Variants in CRISPLD1 observed in about 807,000 individuals in gnomAD.
CRISPLD1 encodes cysteine-rich secretory protein LCCL domain-containing 1.
A neutral mutation model predicts 77.5 loss-of-function variants in CRISPLD1; 60 were observed. The ratio of observed to expected loss-of-function variants is 0.77; its 90% confidence interval spans 0.63 to 0.96. The LOEUF (loss-of-function observed/expected upper bound fraction) is 0.96. Among genes scored for constraint, CRISPLD1 ranks in the 40% least tolerant of loss-of-function variants. The pLI is 0.00. For synonymous variants in CRISPLD1, 195 were observed against 200.1 expected (o/e 0.97, Z 0.22); for missense variants, 623 against 615.8 (o/e 1.01, Z -0.12).
chr8:75,022,412 C>G (rs1813151500), intron 12 of CRISPLD1, among the ~76,000 whole-genome samples: 1 of 151,686 alleles, frequency 6.6e-6, no homozygotes, highest in African/African-American at 2.4e-5. Flanking sequence ...CGATGATACC[C>G]CATCTCTACT....
chr8:75,012,066 T>A (rs373462201), intron 2 of CRISPLD1, among the ~76,000 whole-genome samples: 48 of 152,216 alleles, frequency 3.2e-4, no homozygotes, highest in African/African-American at 1.1e-3. Context: ...GGGGAAACAA[T>A]GTCAGCAAGA....
In CRISPLD1 at chr8:75,017,468, C is replaced by T. The variant is rs977331518; in HGVS notation, c.1127+18C>T. The T allele has an allele frequency of 6.4e-7, 1 of 1,571,334 alleles. No homozygotes were observed. Among genetic ancestry groups the T allele is most frequent in the Admixed American group, 2.0e-5 (1 of 49,252 alleles). On this transcript the variant is annotated intron_variant, in intron 10 of 14. Transcript: ENST00000262207. The stretch of plus-strand genomic sequence containing the variant: ...ACAATTGGGTAAGTACCAAAATAAT[C>T]TTTTGGACCAGATAATTTTAAATTG...
At position 75,012,902 on chromosome 8, in the gene CRISPLD1, G is replaced by T. The variant is rs369100451; in HGVS notation, c.390G>T (p.Pro130=). 1.9e-6 allele frequency: 3 copies of T among 1,611,136 alleles called. No individual in the cohort carries two copies. In the East Asian group the frequency reaches 6.7e-5, roughly 36 times the overall value. ...TTCTTTCTAATAGATATAGGCCCCC[G>T]ACGTTTCATGTACAATCGTGGTATG... The part of the protein sequence containing the change: ...LGAHWGRYRP[P]TFHVQSWYDE... Residue 130 remains proline (P), a synonymous_variant, in exon 4 of 15, where the codon CCG becomes CCT. Transcript: ENST00000262207.
At chr8:74,992,240 T>C (rs181599879) in intron 2 of CRISPLD1, among the ~76,000 whole-genome samples, 2 of 152,258 alleles carry the variant, frequency 1.3e-5, no homozygotes, top group African/African-American at 2.4e-5. Flanking sequence ...ACCAGAGATA[T>C]CGATGTGGGA....
At chr8:74,989,873 A>T (rs1455626281) in intron 2 of CRISPLD1, among the ~76,000 whole-genome samples, 1 of 152,162 alleles carries the variant, frequency 6.6e-6, no homozygotes, top group East Asian at 1.9e-4. Flanking sequence ...TTATAGTTTC[A>T]GGTCTTACAT....
intron 2 of CRISPLD1, among the ~76,000 whole-genome samples, chr8:74,987,310 C>T (rs986846829): frequency 6.6e-6 from 1 of 152,186 alleles, no homozygotes; most frequent in African/African-American, 2.4e-5. Context: ...AATTGAGACT[C>T]AGGAGTGAGG....
At chr8:75,000,159 G>T in intron 2 of CRISPLD1, 1 of 985,086 alleles carries the variant, frequency 1.0e-6, no homozygotes, top group Non-Finnish European at 1.2e-6. Context: ...CCACCAGAAC[G>T]CTGGACAATC....
At position 75,021,172 on chromosome 8, in the gene CRISPLD1, ATTAC is replaced by A. The variant is rs1233704122; in HGVS notation, c.1244+1098_1244+1101del. ...AGTTTATCTACTTTGGAAAAACATC[ATTAC>A]TTACCCTTTTGAAATGAAAGCAATG... On this transcript the variant is annotated intron_variant, in intron 12 of 14. Coordinates refer to ENST00000262207, the MANE Select transcript of CRISPLD1 (RefSeq NM_031461.6). Among the ~76,000 whole-genome samples, 4 of 152,222 alleles carry A rather than the reference ATTAC, an allele frequency of 2.6e-5. No individual in the cohort carries two copies. The East Asian group carries it at 5.8e-4, about 22-fold the overall frequency.
chr8:75,002,781 G>C (rs544730606), intron 2 of CRISPLD1, among the ~76,000 whole-genome samples: 1 of 152,256 alleles, frequency 6.6e-6, no homozygotes, highest in African/African-American at 2.4e-5. Flanking sequence ...GAGAGCCTGA[G>C]GTAACTCAGT....
chr8:75,029,555 C>T (rs762889880), intron 14 of CRISPLD1, 38 bp downstream of exon 14: 11 of 1,580,072 alleles, frequency 7.0e-6, no homozygotes, highest in African/African-American at 1.4e-5. Context: ...TTTTAAATAC[C>T]ATCTATCACT....
At chr8:75,020,509 C>T (rs1813115247) in intron 12 of CRISPLD1, among the ~76,000 whole-genome samples, 1 of 152,178 alleles carries the variant, frequency 6.6e-6, no homozygotes, top group South Asian at 2.1e-4. Context: ...TCTGTGTCCT[C>T]ACATGGTGGA....
At chr8:75,021,111 A>T (rs1010068583) in intron 12 of CRISPLD1, among the ~76,000 whole-genome samples, 1 of 152,212 alleles carries the variant, frequency 6.6e-6, no homozygotes, top group African/African-American at 2.4e-5. Context: ...AAAACATTTT[A>T]GTCTAAAAAC....
chr8:74,998,382 T>C (rs1404777628), intron 2 of CRISPLD1, among the ~76,000 whole-genome samples: 1 of 152,110 alleles, frequency 6.6e-6, no homozygotes, highest in Non-Finnish European at 1.5e-5. Flanking sequence ...TGTTTTACCA[T>C]GCTTTGAAGT....
intron 2 of CRISPLD1, among the ~76,000 whole-genome samples, chr8:74,996,413 A>T (rs891254335): frequency 6.6e-6 from 1 of 152,190 alleles, no homozygotes; most frequent in Non-Finnish European, 1.5e-5. Context: ...GCATTAGTGT[A>T]TAAAAAGTTT....
chr8:75,031,222 T>C (rs1813338884), intron 14 of CRISPLD1, among the ~76,000 whole-genome samples: 1 of 152,070 alleles, frequency 6.6e-6, no homozygotes, highest in Non-Finnish European at 1.5e-5. Flanking sequence ...GATACCCTTA[T>C]TTTTGCTCAC....
chr8:75,016,460 T>C, intron 6 of CRISPLD1, 105 bp from the exon 7 acceptor site: 2 of 1,146,562 alleles, frequency 1.7e-6, no homozygotes, highest in South Asian at 3.9e-5. Flanking sequence ...TACTGATTTT[T>C]CTAGTTCTAA....
intron 14 of CRISPLD1, among the ~76,000 whole-genome samples, chr8:75,031,299 T>C (rs573823468): frequency 6.6e-6 from 1 of 152,206 alleles, no homozygotes; most frequent in South Asian, 2.1e-4. Flanking sequence ...GTCTCTTTCT[T>C]AGTATTTATT....
intron 12 of CRISPLD1, among the ~76,000 whole-genome samples, chr8:75,024,650 TG>T: frequency 6.6e-6 from 1 of 152,154 alleles, no homozygotes; most frequent in East Asian, 1.9e-4. Flanking sequence ...AATATAAGTA[TG>T]GAAAACAGAT....
intron 2 of CRISPLD1, among the ~76,000 whole-genome samples, chr8:75,009,817 T>G (rs926759460): frequency 7.9e-5 from 12 of 152,128 alleles, no homozygotes; most frequent in Non-Finnish European, 1.6e-4. Flanking sequence ...TCAACCAAAT[T>G]CAGTGTTTCT....
Sources: allele counts gnomAD v4.1 joint callset (sites outside exome capture counted in the v4.1 genomes callset), GRCh38; gene constraint gnomAD v4.1.1; transcripts MANE v1.5; gene names NCBI Gene and HGNC (gene_info 2026-07-23, HGNC 2026-07-21).